DCAF8L2: variants seen among roughly 807,000 people sequenced by gnomAD.
DCAF8L2 encodes the protein DDB1- and CUL4-associated factor 8-like protein 2.
For missense variants in DCAF8L2, 430 were observed against 490.7 expected, an observed-to-expected ratio of 0.88 and a Z score of 1.17; for synonymous variants, 200 against 190.9, an observed-to-expected ratio of 1.05 and a Z score of -0.39.
At chrX:27,589,486 A>C (rs1034872596), upstream of DCAF8L2, among the ~76,000 whole-genome samples, 1 of 109,820 alleles carries the variant, frequency 9.1e-6, no homozygotes, top group Non-Finnish European at 1.9e-5. Flanking sequence ...TTTGCTACAT[A>C]CCATATTTAA....
chrX:27,728,647 C>G (rs1164980400), intron 4 of DCAF8L2, among the ~76,000 whole-genome samples: 3 of 111,606 alleles, frequency 2.7e-5, no homozygotes, highest in Admixed American at 9.6e-5. Flanking sequence ...CCTCTCTTCT[C>G]AGAAAAGTCA....
chrX:27,741,466 T>A (rs765219231), intron 4 of DCAF8L2, among the ~76,000 whole-genome samples: 1 of 88,463 alleles, frequency 1.1e-5, no homozygotes, highest in Admixed American at 1.5e-4. Context: ...AGCCTGCACC[T>A]TAAGACAAAG....
At chrX:27,482,647 A>G in the DCAF8L2 span, among the ~76,000 whole-genome samples, 1 of 111,783 alleles carries the variant, frequency 8.9e-6, no homozygotes, top group African/African-American at 3.2e-5. Context: ...ATGCTCCTTT[A>G]CAAAAAATAC....
the DCAF8L2 span, among the ~76,000 whole-genome samples, chrX:27,538,666 A>G: frequency 6.2e-5 from 1 of 16,013 alleles, no homozygotes; most frequent in South Asian, 0.011. Flanking sequence ...TGCTGGGATT[A>G]CAGGCGTGAG....
At chrX:27,645,576 C>T (rs1012474317) in intron 2 of DCAF8L2, among the ~76,000 whole-genome samples, 3 of 111,605 alleles carry the variant, frequency 2.7e-5, no homozygotes, top group African/African-American at 9.8e-5. Context: ...GGCAATCACT[C>T]AAAAGAAATA....
At chrX:27,545,163 A>G in the DCAF8L2 span, among the ~76,000 whole-genome samples, 3,119 of 111,224 alleles carry the variant, frequency 0.028, 110 homozygotes, top group African/African-American at 0.096. Flanking sequence ...ACTAAAACAC[A>G]GAGGTTTTCC....
intron 2 of DCAF8L2, among the ~76,000 whole-genome samples, chrX:27,660,337 C>T (rs917235629): frequency 8.9e-6 from 1 of 111,871 alleles, no homozygotes; most frequent in Admixed American, 9.5e-5. Context: ...CCCTATGTTG[C>T]TATCTGTGTA....
the DCAF8L2 span, among the ~76,000 whole-genome samples, chrX:27,489,511 T>TA: frequency 8.9e-6 from 1 of 112,838 alleles, no homozygotes; most frequent in African/African-American, 3.2e-5. Flanking sequence ...TTCCACAGAA[T>TA]TATATTCCAC....
At chrX:27,744,138 C>A (rs1014687042) in intron 4 of DCAF8L2, among the ~76,000 whole-genome samples, 1 of 111,456 alleles carries the variant, frequency 9.0e-6, no homozygotes, top group Non-Finnish European at 1.9e-5. Flanking sequence ...TACTTTTTCT[C>A]GGGAGTATCA....
chrX:27,594,112 A>C (rs1258229566), intron 1 of DCAF8L2, among the ~76,000 whole-genome samples: 3 of 112,165 alleles, frequency 2.7e-5, no homozygotes, highest in African/African-American at 9.7e-5. Flanking sequence ...ATTGTAATGA[A>C]ACCTCATGTG....
chrX:27,569,221 T>C, the DCAF8L2 span, among the ~76,000 whole-genome samples: 1 of 111,152 alleles, frequency 9.0e-6, no homozygotes, highest in African/African-American at 3.3e-5. Context: ...CCCAAGAATG[T>C]GTTCCTCTTT....
intron 2 of DCAF8L2, among the ~76,000 whole-genome samples, chrX:27,669,988 C>T (rs754210372): frequency 1.8e-5 from 2 of 111,515 alleles, no homozygotes; most frequent in Admixed American, 1.9e-4. Flanking sequence ...GGTATATACC[C>T]AGTAATGGGA....
At chrX:27,709,168 G>C (rs975551034) in intron 3 of DCAF8L2, among the ~76,000 whole-genome samples, 5 of 64,111 alleles carry the variant, frequency 7.8e-5, no homozygotes, top group Non-Finnish European at 1.3e-4. Context: ...TGATCCACCT[G>C]CCTCAGCCTC....
At chrX:27,541,015 C>T in the DCAF8L2 span, among the ~76,000 whole-genome samples, 1 of 111,988 alleles carries the variant, frequency 8.9e-6, no homozygotes, top group Non-Finnish European at 1.9e-5. Context: ...AATATTTCAT[C>T]CCAAAATATT....
the DCAF8L2 span, among the ~76,000 whole-genome samples, chrX:27,516,164 T>C: frequency 6.3e-5 from 7 of 111,266 alleles, no homozygotes; most frequent in African/African-American, 2.3e-4. Context: ...AAACAAGGCT[T>C]TACGTTATCT....
intron 3 of DCAF8L2, among the ~76,000 whole-genome samples, chrX:27,696,268 G>GAGAAAGAAAGAA (rs565370286): frequency 9.8e-4 from 73 of 74,854 alleles, no homozygotes; most frequent in East Asian, 3.5e-3. Context: ...AAGAGAGAGA[G>GAGAAAGAAAGAA]AGAAAGAAAG....
chrX:27,619,004 A>AATCT (rs57635575), intron 1 of DCAF8L2, among the ~76,000 whole-genome samples: 17,420 of 101,484 alleles, frequency 0.17, 1,437 homozygotes, highest in African/African-American at 0.24. Context: ...ATCTATATCT[A>AATCT]ATCTATCTAT....
At chrX:27,736,343 T>C (rs971140107) in intron 4 of DCAF8L2, among the ~76,000 whole-genome samples, 3 of 111,886 alleles carry the variant, frequency 2.7e-5, no homozygotes, top group African/African-American at 9.7e-5. Context: ...ATCTTTTATC[T>C]GCACTATTCT....
chrX:27,697,500 G>A (rs981262258), intron 3 of DCAF8L2, among the ~76,000 whole-genome samples: 11 of 111,326 alleles, frequency 9.9e-5, no homozygotes, highest in Admixed American at 5.8e-4. Flanking sequence ...ATATTAAAAT[G>A]TGCAGAGTTG....
Sources: allele counts gnomAD v4.1 joint callset (sites outside exome capture counted in the v4.1 genomes callset), GRCh38; gene constraint gnomAD v4.1.1; transcripts MANE v1.5; gene names NCBI Gene and HGNC (gene_info 2026-07-23, HGNC 2026-07-21).